PATJ: variants seen among roughly 807,000 people sequenced by gnomAD.
The protein encoded by PATJ is inaD-like protein.
A neutral mutation model predicts 224.9 loss-of-function variants in PATJ; 190 were observed. The ratio of observed to expected loss-of-function variants is 0.84; its 90% confidence interval spans 0.75 to 0.95. The LOEUF (loss-of-function observed/expected upper bound fraction) is 0.95, where lower values mean the gene tolerates loss of function less well. PATJ is among the 40% of genes least tolerant of loss of function. The pLI is 0.00. For synonymous variants in PATJ, 769 were observed against 820.3 expected (o/e 0.94, Z 1.07); for missense variants, 2,121 against 2,270.3 (o/e 0.93, Z 1.34).
chr1:61,799,626 G>T (rs1274341863), intron 11 of PATJ, among the ~76,000 whole-genome samples: 1 of 151,966 alleles, frequency 6.6e-6, no homozygotes, highest in East Asian at 1.9e-4. Flanking sequence ...CATAGTGTTG[G>T]GGTTTGGTCT....
chr1:61,980,254 T>G (rs1644378190), intron 27 of PATJ, among the ~76,000 whole-genome samples: 1 of 151,902 alleles, frequency 6.6e-6, no homozygotes, highest in Non-Finnish European at 1.5e-5. Context: ...CGCTGAACTC[T>G]AGCCTGGTCA....
Position 61,769,753 on chromosome 1 carries a change from CCT to C in PATJ, c.524+336_524+337del, listed in dbSNP as rs372526583. ...GACTGCAAAGCTAGTGCGCTATTTC[CCT>C]CTCTTACAACTGAACATGGTATTTT... On this transcript the variant is annotated intron_variant, in intron 5 of 43. Coordinates refer to ENST00000642238, the MANE Select transcript of PATJ (RefSeq NM_001350145.3). Among the ~76,000 whole-genome samples, 314 of 152,220 alleles carry C rather than the reference CCT, an allele frequency of 2.1e-3. 3 individuals carry two copies. The highest frequency in any genetic ancestry group is 6.6e-3 in the African/African-American group (274 of 41,542).
intron 20 of PATJ, among the ~76,000 whole-genome samples, chr1:61,871,437 G>GTATATA (rs1403222381): frequency 1.6e-4 from 17 of 107,346 alleles, no homozygotes; most frequent in African/African-American, 2.8e-4. Context: ...ATATATATGT[G>GTATATA]TATATACACA....
intron 14 of PATJ, among the ~76,000 whole-genome samples, chr1:61,808,769 A>G (rs1427169721): frequency 6.6e-6 from 1 of 152,106 alleles, no homozygotes; most frequent in Non-Finnish European, 1.5e-5. Flanking sequence ...AAGTTTCCAG[A>G]ATTTAGTCTT....
At chr1:61,929,380 T>TG (rs1675690789) in intron 27 of PATJ, among the ~76,000 whole-genome samples, 1 of 152,096 alleles carries the variant, frequency 6.6e-6, no homozygotes, top group Non-Finnish European at 1.5e-5. Context: ...CTTATCTATG[T>TG]GGGGGTGAGC....
intron 7 of PATJ, 84 bp from the exon 8 acceptor site, chr1:61,787,670 C>A: frequency 2.0e-6 from 2 of 1,024,370 alleles, no homozygotes; most frequent in South Asian, 1.5e-5. Context: ...GCCATTTTGC[C>A]AGAGCTGAAA....
At position 62,161,144 on chromosome 1, in the gene PATJ, T is replaced by A; in HGVS notation, c.*90T>A. ...AGTGGGTATGAAAAGCACCCTCAAC[T>A]AAAATGCACCTTCATTCTTATTTCT... On this transcript the variant is annotated 3_prime_UTR_variant, in exon 44 of 44. Coordinates refer to ENST00000642238, the MANE Select transcript of PATJ (RefSeq NM_001350145.3). 1 of 1,002,538 alleles carries A rather than the reference T, an allele frequency of 1.0e-6. No individual in the cohort carries two copies. Among genetic ancestry groups the A allele is most frequent in the Non-Finnish European group, 1.3e-6 (1 of 749,808 alleles). 62.1% of individuals were successfully genotyped at this position (1,002,538 alleles called of 1,614,324 possible).
At chr1:61,909,563 C>G (rs1188394142) in intron 25 of PATJ, among the ~76,000 whole-genome samples, 1 of 152,134 alleles carries the variant, frequency 6.6e-6, no homozygotes, top group Admixed American at 6.6e-5. Context: ...GCCTTTATCT[C>G]CTGGGCTCAA....
chr1:62,159,535 T>C (rs1346144009), intron 43 of PATJ, among the ~76,000 whole-genome samples: 5 of 148,268 alleles, frequency 3.4e-5, no homozygotes, highest in African/African-American at 1.0e-4. Flanking sequence ...TTGCCCACAG[T>C]ATAGACCTGA....
chr1:62,071,356 A>C (rs1417761760), intron 31 of PATJ, among the ~76,000 whole-genome samples: 1 of 152,158 alleles, frequency 6.6e-6, no homozygotes, highest in Non-Finnish European at 1.5e-5. Context: ...GTGTGTTGCT[A>C]AGGGTGCTCA....
chr1:61,943,962 G>A lies in PATJ; in HGVS notation c.3670+16133G>A, dbSNP rs186343269. ...GGTGATACCCAGGCAAACAGGGTCT[G>A]GAGTGGACCCCCAGCAAACTCCAAC... On this transcript the variant is annotated intron_variant, in intron 27 of 43. Transcript: ENST00000642238. Among the ~76,000 whole-genome samples the A allele has an allele frequency of 4.7e-3, 721 of 152,258 alleles. 5 individuals are homozygous for A. Among genetic ancestry groups the A allele is most frequent in the African/African-American group, 0.017 (692 of 41,554 alleles).
At position 61,801,637 on chromosome 1, in the gene PATJ, C is replaced by T; in HGVS notation, c.1417C>T (p.Pro473Ser). Residue 473 changes from proline (P) to serine (S), a missense_variant, in exon 12 of 44, where the codon CCA becomes TCA. By Grantham distance (74) the Pro-to-Ser change is moderately conservative (BLOSUM62 -1). Transcript: ENST00000642238. ...TTTTGTTTTAGGAACTGTTGTAGAACCACTGAAACCACCAGCTCTCTTTCT... is the reference window on the plus strand; with the variant it reads ...TTTTGTTTTAGGAACTGTTGTAGAATCACTGAAACCACCAGCTCTCTTTCT... ...PPSDRGTVVE[P>S]LKPPALFLTG... 1.3e-6 allele frequency: 2 copies of T among 1,578,286 alleles called. No individual in the cohort carries two copies. Among genetic ancestry groups the T allele is most frequent in the Non-Finnish European group, 1.7e-6 (2 of 1,161,384 alleles).
At chr1:62,140,639 C>T (rs559305387) in intron 41 of PATJ, among the ~76,000 whole-genome samples, 22 of 151,426 alleles carry the variant, frequency 1.5e-4, no homozygotes, top group African/African-American at 5.1e-4. Context: ...GGCAACAGAG[C>T]GAGACACCAC....
chr1:62,156,054 TAAAAAAAAAA>T (rs34300724), intron 43 of PATJ, among the ~76,000 whole-genome samples: 1 of 43,056 alleles, frequency 2.3e-5, no homozygotes, highest in East Asian at 1.1e-3. Flanking sequence ...CAAGACTCTG[TAAAAAAAAAA>T]AAAAAAAAAA....
Position 62,123,036 on chromosome 1 carries a change from C to A in PATJ, c.5021C>A (p.Pro1674Gln). 1 of 1,595,084 alleles carries A rather than the reference C, an allele frequency of 6.3e-7. No individual in the cohort carries two copies. Among genetic ancestry groups the A allele is most frequent in the Non-Finnish European group, 8.6e-7 (1 of 1,168,322 alleles). The change falls in exon 39 of 44, where the codon CCA (proline) becomes CAA (glutamine). Residue 1674 changes from proline to glutamine, a missense_variant. Transcript: ENST00000642238. ...SQKNSGTDMEPRTVEINRELS... is the reference protein window; with the variant it reads ...SQKNSGTDMEQRTVEINRELS... ...TTCTTTATAGGCACAGATATGGAAC[C>A]AAGGACTGTTGAGATAAACAGGGTA...
intron 28 of PATJ, among the ~76,000 whole-genome samples, chr1:62,005,992 A>G (rs1164131427): frequency 6.6e-6 from 1 of 152,184 alleles, no homozygotes; most frequent in Non-Finnish European, 1.5e-5. Context: ...ATTTTTATAT[A>G]ATTAATATTT....
At chr1:61,825,536 T>A (rs1297506555) in intron 15 of PATJ, among the ~76,000 whole-genome samples, 3 of 152,092 alleles carry the variant, frequency 2.0e-5, no homozygotes, top group Non-Finnish European at 4.4e-5. Context: ...ATGTACTCCT[T>A]GGAACTTAAA....
chr1:62,151,837 T>C (rs2149042965), intron 42 of PATJ, among the ~76,000 whole-genome samples: 1 of 152,328 alleles, frequency 6.6e-6, no homozygotes, highest in South Asian at 2.1e-4. Context: ...TCTGGGTTTC[T>C]GCCTTTTGAG....
At chr1:61,937,014 A>G (rs966071261) in intron 27 of PATJ, among the ~76,000 whole-genome samples, 3 of 152,212 alleles carry the variant, frequency 2.0e-5, no homozygotes, top group Non-Finnish European at 2.9e-5. Flanking sequence ...AGTCATGGCA[A>G]TGACTCATAG....
Sources: allele counts gnomAD v4.1 joint callset (sites outside exome capture counted in the v4.1 genomes callset), GRCh38; gene constraint gnomAD v4.1.1; transcripts MANE v1.5; gene names NCBI Gene and HGNC (gene_info 2026-07-23, HGNC 2026-07-21).